NAE1: variants seen among roughly 807,000 people sequenced by gnomAD.
The protein encoded by NAE1 is NEDD8 activating enzyme E1 subunit 1, also known as NEDD8-activating enzyme E1 regulatory subunit.
A neutral mutation model predicts 88.0 loss-of-function variants in NAE1; 59 were observed. That is an observed-to-expected ratio of 0.67 (90% CI 0.54 to 0.83). The LOEUF (loss-of-function observed/expected upper bound fraction) is 0.83, where lower values mean the gene tolerates loss of function less well. NAE1 is among the 40% of genes least tolerant of loss of function. NAE1 has a pLI of 0.00. For missense variants in NAE1, 554 were observed against 632.8 expected, an observed-to-expected ratio of 0.88 and a Z score of 1.34; for synonymous variants, 186 against 208.9, an observed-to-expected ratio of 0.89 and a Z score of 0.95.
chr16:66,805,885 C>G (rs1382635922), intron 18 of NAE1, 27 bp downstream of exon 18: 2 of 1,597,072 alleles, frequency 1.3e-6, no homozygotes, highest in African/African-American at 2.7e-5. Flanking sequence ...GTGGAATCAT[C>G]TCCTAGATAC....
intron 19 of NAE1, among the ~76,000 whole-genome samples, chr16:66,804,252 A>AC (rs1163246014): frequency 1.3e-5 from 2 of 151,822 alleles, no homozygotes; most frequent in Admixed American, 1.3e-4. Context: ...CAAAAAAAAA[A>AC]AAACAAAGAA....
chr16:66,809,021 T>C lies in NAE1; in HGVS notation c.1205A>G (p.Tyr402Cys). Reference sequence around the variant, plus strand: ...ATCCTTGTTAATTGTATCCAAACCATATTCTTCAGCTAAGGATCGACATCT... The same window carrying C: ...ATCCTTGTTAATTGTATCCAAACCACATTCTTCAGCTAAGGATCGACATCT... Reference protein sequence around the residue: ...VVRCRSLAEEYGLDTINKDEI... With the variant: ...VVRCRSLAEECGLDTINKDEI... Residue 402 changes from tyrosine to cysteine, a missense_variant, in exon 16 of 20, where the codon TAT becomes TGT. Physicochemically the swap from Tyr to Cys is radical, Grantham distance 194. Coordinates refer to ENST00000290810, the MANE Select transcript of NAE1 (RefSeq NM_003905.4). 2 of 1,612,466 alleles carry C rather than the reference T, an allele frequency of 1.2e-6. No individual in the cohort carries two copies. The highest frequency in any genetic ancestry group is 1.7e-6 in the Non-Finnish European group (2 of 1,178,934).
At chr16:66,823,028 A>G (rs1489747232) in intron 6 of NAE1, among the ~76,000 whole-genome samples, 199 bp downstream of exon 6, 1 of 132,140 alleles carries the variant, frequency 7.6e-6, no homozygotes. Context: ...ACACTTTGGG[A>G]GGCCGAGGAG....
In NAE1 at chr16:66,817,469, A is replaced by G. The variant is rs1202076414; in HGVS notation, c.640T>C (p.Trp214Arg). The G allele has an allele frequency of 6.3e-7, 1 of 1,598,936 alleles. No homozygotes were observed. Among genetic ancestry groups the G allele is most frequent in the Non-Finnish European group, 8.5e-7 (1 of 1,173,750 alleles). The change falls in exon 9 of 20, where the codon TGG becomes CGG. Residue 214 changes from tryptophan (W) to arginine (R), a missense_variant. By Grantham distance (101) the Trp-to-Arg change is moderately radical. Coordinates refer to ENST00000290810, the MANE Select transcript of NAE1 (RefSeq NM_003905.4). ...MEKKDHSHTP[W>R]IVIIAKYLAQ... ...AAATATTTAGCTATGATCACAATCC[A>G]TGGAGTATGACTGTGGTCCTAAAAA...
At chr16:66,830,042 C>G (rs1174246955) in intron 1 of NAE1, among the ~76,000 whole-genome samples, 1 of 152,134 alleles carries the variant, frequency 6.6e-6, no homozygotes, top group African/African-American at 2.4e-5. Flanking sequence ...CGCACCACCA[C>G]GCCCAGCTAA....
In NAE1 at chr16:66,830,882, C is replaced by T; in HGVS notation, c.18G>A (p.Lys6=). Residue 6 remains lysine (K), a synonymous_variant, in exon 1 of 20, where the codon AAG becomes AAA. Transcript: ENST00000290810. ...GGTCGTACTTCTGCTCCTTGAGCAG[C>T]TTTCCCAGCTGCGCCATGGCCGCGC... MAQLG[K]LLKEQKYDRQ... 1 of 1,535,364 alleles carries T rather than the reference C, an allele frequency of 6.5e-7. No homozygotes were observed. Among genetic ancestry groups the T allele is most frequent in the Non-Finnish European group, 8.7e-7 (1 of 1,150,402 alleles).
chr16:66,823,255 C>T lies in NAE1; in HGVS notation c.373G>A (p.Val125Ile), dbSNP rs751798129. The change falls in exon 6 of 20, where the codon GTT becomes ATT. Residue 125 changes from valine to isoleucine, a missense_variant. Coordinates refer to ENST00000290810, the MANE Select transcript of NAE1 (RefSeq NM_003905.4). ...NDPSFFCRFTVVVATQLPEST... is the reference protein window; with the variant it reads ...NDPSFFCRFTIVVATQLPEST... ...TCAGGAAGCTGAGTTGCAACTACAA[C>T]AGTAAACCTACAGAAAAATGAGGGA... The T allele has an allele frequency of 2.5e-6, 4 of 1,603,714 alleles. No homozygotes were observed. The Admixed American group carries it at 5.1e-5, about 21-fold the overall frequency.
chr16:66,821,074 A>C (rs985144027), intron 7 of NAE1, among the ~76,000 whole-genome samples: 1 of 152,186 alleles, frequency 6.6e-6, no homozygotes, highest in Admixed American at 6.5e-5. Flanking sequence ...TGTCTTAAAA[A>C]ACAAAAAAAA....
chr16:66,828,426 G>A (rs1164968130), intron 1 of NAE1, among the ~76,000 whole-genome samples: 1 of 150,392 alleles, frequency 6.6e-6, no homozygotes, highest in Non-Finnish European at 1.5e-5. Flanking sequence ...AGGAGGCGGA[G>A]ATTGCAGTGA....
chr16:66,821,025 T>C (rs954038997), intron 7 of NAE1, among the ~76,000 whole-genome samples: 2 of 151,974 alleles, frequency 1.3e-5, no homozygotes, highest in Admixed American at 6.6e-5. Context: ...GCCAAGATTG[T>C]GCCATTGTAC....
chr16:66,830,318 T>C (rs1960642215), intron 1 of NAE1, among the ~76,000 whole-genome samples: 1 of 152,202 alleles, frequency 6.6e-6, no homozygotes, highest in African/African-American at 2.4e-5. Flanking sequence ...ACTTTTTATA[T>C]TGTGTTGAAA....
intron 1 of NAE1, among the ~76,000 whole-genome samples, 157 bp downstream of exon 1, chr16:66,830,690 G>A (rs1960658229): frequency 6.6e-6 from 1 of 152,214 alleles, no homozygotes; most frequent in African/African-American, 2.4e-5. Flanking sequence ...GGCCCAGGGC[G>A]GGAGCTCCGA....
chr16:66,823,653 T>C, intron 4 of NAE1, 53 bp from the exon 5 acceptor site: 1 of 1,427,160 alleles, frequency 7.0e-7, no homozygotes. Flanking sequence ...GGTCACAATA[T>C]AATCCCCCAA....
chr16:66,823,957 G>T (rs1010520546), intron 4 of NAE1, among the ~76,000 whole-genome samples: 3 of 152,112 alleles, frequency 2.0e-5, no homozygotes, highest in African/African-American at 4.8e-5. Flanking sequence ...GGCTGGTCTT[G>T]AACTCCTGGT....
At chr16:66,830,758 G>A (rs1597054480) in intron 1 of NAE1, 89 bp downstream of exon 1, 1 of 1,290,652 alleles carries the variant, frequency 7.7e-7, no homozygotes. Context: ...GCCTGAGGAA[G>A]GCCCGACCGC....
chr16:66,808,433 C>T, intron 17 of NAE1, 88 bp downstream of exon 17: 1 of 903,764 alleles, frequency 1.1e-6, no homozygotes, highest in Non-Finnish European at 1.7e-6. Flanking sequence ...ATTCAAGCAA[C>T]ACTATTATAA....
chr16:66,830,872 C>A lies in NAE1; in HGVS notation c.28G>T (p.Glu10Ter). Residue 10 changes from glutamate to a stop codon, truncating the protein, a stop_gained, in exon 1 of 20, where the codon GAG (glutamate) becomes TAG (stop). Transcript: ENST00000290810. LOFTEE classifies it high-confidence loss of function. MAQLGKLLKEQKYDRQLRLW... is the reference protein window; with the variant it reads MAQLGKLLK ...CTCAGCTGCCGGTCGTACTTCTGCTCCTTGAGCAGCTTTCCCAGCTGCGCC... is the reference window on the plus strand; with the variant it reads ...CTCAGCTGCCGGTCGTACTTCTGCTACTTGAGCAGCTTTCCCAGCTGCGCC... 1 of 1,535,014 alleles carries A rather than the reference C, an allele frequency of 6.5e-7. No individual in the cohort carries two copies. The highest frequency in any genetic ancestry group is 2.6e-5 in the East Asian group (1 of 38,022).
chr16:66,826,519 A>G lies in NAE1; in HGVS notation c.218+4T>C, dbSNP rs201504811. On this transcript the variant is annotated splice_donor_region_variant and intron_variant, in intron 3 of 19. Transcript: ENST00000290810. ...TGAATATATTTGAAGAGAATAGAAC[A>G]TACTTGTTTCCAGCATCTTCTCCGC... 1.9e-6 allele frequency: 3 copies of G among 1,613,992 alleles called. No homozygotes were observed. The highest frequency in any genetic ancestry group is 1.3e-5 in the African/African-American group (1 of 75,072).
chr16:66,823,867 G>C lies in NAE1; in HGVS notation c.250-267C>G, dbSNP rs8061886. Among the ~76,000 whole-genome samples, 1,085 of 152,238 alleles carry C rather than the reference G, an allele frequency of 7.1e-3. 31 individuals are homozygous for C. Among genetic ancestry groups the C allele is most frequent in the Admixed American group, 0.049 (742 of 15,280 alleles). On this transcript the variant is annotated intron_variant, in intron 4 of 19. Transcript: ENST00000290810. ...CTGCCTCAGCCTCCCAAGTAGGTGG[G>C]ACTACAGGCATGTGCTACCATGCCC...
Sources: allele counts gnomAD v4.1 joint callset (sites outside exome capture counted in the v4.1 genomes callset), GRCh38; gene constraint gnomAD v4.1.1; transcripts MANE v1.5; gene names NCBI Gene and HGNC (gene_info 2026-07-23, HGNC 2026-07-21).